The following WNT3 variants were observed in gnomAD, a reference collection of about 807,000 sequenced individuals.
WNT3 encodes proto-oncogene Wnt-3.
Under a neutral mutation model 34.2 loss-of-function variants are expected in WNT3, and 7 were observed. The ratio of observed to expected loss-of-function variants is 0.20; its 90% CI spans 0.12 to 0.38. WNT3 has a LOEUF of 0.38. Among genes scored for constraint, WNT3 ranks in the 10% least tolerant of loss-of-function variants. The pLI is 1.00. For synonymous variants in WNT3, 212 were observed against 211.5 expected, an observed-to-expected ratio of 1.00 and a Z score of -0.02; for missense variants, 267 against 499.8, an observed-to-expected ratio of 0.53 and a Z score of 4.44.
chr17:46,807,340 G>A (rs2084210927), intron 1 of WNT3, among the ~76,000 whole-genome samples: 1 of 152,318 alleles, frequency 6.6e-6, no homozygotes, highest in East Asian at 1.9e-4. Flanking sequence ...AAATTAGCTG[G>A]GTGTGGTGGC....
At chr17:46,815,773 C>T (rs2084333883) in intron 1 of WNT3, among the ~76,000 whole-genome samples, 1 of 152,200 alleles carries the variant, frequency 6.6e-6, no homozygotes, top group African/African-American at 2.4e-5. Flanking sequence ...CTTGCCATCC[C>T]TGGCCAGCTG....
chr17:46,804,826 TTGTAAAATGGACCAATCAGCACTC>T (rs1331998318), intron 1 of WNT3, among the ~76,000 whole-genome samples: 3 of 152,070 alleles, frequency 2.0e-5, no homozygotes, highest in Non-Finnish European at 2.9e-5. Context: ...AGCTAGAGGT[TTGTAAAATGGACCAATCAGCACTC>T]TGTAAAATGG....
intron 1 of WNT3, among the ~76,000 whole-genome samples, chr17:46,793,273 A>T (rs903647148): frequency 2.3e-3 from 13 of 5,734 alleles, no homozygotes; most frequent in African/African-American, 3.5e-3. Flanking sequence ...GACCCTGTCT[A>T]AAAAAAAAAA....
At chr17:46,790,488 T>A (rs1032719034) in intron 1 of WNT3, among the ~76,000 whole-genome samples, 2 of 151,930 alleles carry the variant, frequency 1.3e-5, no homozygotes, top group African/African-American at 4.8e-5. Context: ...CTGCCCTAGG[T>A]CACAGACAGG....
At chr17:46,816,141 GC>G (rs936932360) in intron 1 of WNT3, among the ~76,000 whole-genome samples, 5 of 26,240 alleles carry the variant, frequency 1.9e-4, no homozygotes, top group Non-Finnish European at 4.0e-4. Context: ...TCACACACAC[GC>G]ACGCACGCAC....
intron 3 of WNT3, 46 bp downstream of exon 3, chr17:46,769,737 C>CG (rs763547111): frequency 3.3e-5 from 53 of 1,600,622 alleles, no homozygotes; most frequent in African/African-American, 1.6e-4. Flanking sequence ...GGAGGGGAAG[C>CG]GGGGGGCTGC....
At chr17:46,769,199 C>G (rs2146372767) in intron 3 of WNT3, among the ~76,000 whole-genome samples, 1 of 151,954 alleles carries the variant, frequency 6.6e-6, no homozygotes, top group Non-Finnish European at 1.5e-5. Context: ...GCCTGTAATC[C>G]CAGCTACTTG....
intron 1 of WNT3, among the ~76,000 whole-genome samples, chr17:46,796,032 A>C (rs1294690248): frequency 6.6e-6 from 1 of 152,176 alleles, no homozygotes; most frequent in Non-Finnish European, 1.5e-5. Flanking sequence ...ATTATCAGTA[A>C]AAAGAAACAG....
At chr17:46,771,662 G>T (rs1303865050) in intron 2 of WNT3, among the ~76,000 whole-genome samples, 1 of 143,930 alleles carries the variant, frequency 6.9e-6, no homozygotes, top group African/African-American at 2.5e-5. Flanking sequence ...CGCCGGGCCG[G>T]CCGCCACCGC....
intron 1 of WNT3, among the ~76,000 whole-genome samples, chr17:46,787,790 A>G (rs1433326637): frequency 1.3e-5 from 2 of 152,182 alleles, no homozygotes; most frequent in African/African-American, 2.4e-5. Flanking sequence ...GCCTGTCTCT[A>G]CTAAAAACAG....
Position 46,768,178 on chromosome 17 carries a change from A to G in WNT3, c.*8+134T>C. ...GATGCTTGAAAAATCCTAGCTTCCT[A>G]TTTTGGCTGTGGGAACTTGTGTGTC... On this transcript the variant is annotated intron_variant, in intron 4 of 4. Transcript: ENST00000225512. The surrounding 1 kb of genome is among the most constrained non-coding windows in gnomAD (Gnocchi z 5.0). The G allele has an allele frequency of 1.5e-6, 2 of 1,310,218 alleles. No homozygotes were observed. The highest frequency in any genetic ancestry group is 2.1e-5 in the Admixed American group (1 of 47,972). 81.2% of individuals were successfully genotyped at this position (1,310,218 alleles called of 1,614,324 possible). A position where few individuals can be genotyped will look rare whatever the true frequency, so the allele number is the denominator to read the frequency against.
At chr17:46,815,257 G>C (rs903256965) in intron 1 of WNT3, among the ~76,000 whole-genome samples, 2 of 152,122 alleles carry the variant, frequency 1.3e-5, no homozygotes, top group African/African-American at 2.4e-5. Context: ...AGAAATCAGT[G>C]CTGTTGTTTC....
intron 1 of WNT3, among the ~76,000 whole-genome samples, chr17:46,775,011 C>T (rs964514916): frequency 1.3e-5 from 2 of 152,134 alleles, no homozygotes; most frequent in African/African-American, 2.4e-5. Context: ...GTCAAGTTTC[C>T]CACAAAAAGT....
At chr17:46,783,093 G>A (rs544353879) in intron 1 of WNT3, among the ~76,000 whole-genome samples, 15 of 152,204 alleles carry the variant, frequency 9.9e-5, no homozygotes, top group Non-Finnish European at 1.6e-4. Context: ...TTCTCTCAAC[G>A]GGGCCCTCTG....
chr17:46,776,483 C>T (rs897595354), intron 1 of WNT3, among the ~76,000 whole-genome samples: 1 of 152,214 alleles, frequency 6.6e-6, no homozygotes, highest in Admixed American at 6.5e-5. Context: ...TCATTATCAT[C>T]GCCATTGTCC....
At chr17:46,800,021 G>A (rs1016321654) in intron 1 of WNT3, among the ~76,000 whole-genome samples, 1 of 149,768 alleles carries the variant, frequency 6.7e-6, no homozygotes, top group African/African-American at 2.5e-5. Flanking sequence ...GGGGAGTGCT[G>A]TCCCAGAGAG....
At chr17:46,792,052 A>G (rs765767082) in intron 1 of WNT3, among the ~76,000 whole-genome samples, 2 of 152,252 alleles carry the variant, frequency 1.3e-5, no homozygotes, top group Non-Finnish European at 2.9e-5. Flanking sequence ...AACAAAACAA[A>G]AGAAAACAAC....
chr17:46,805,754 C>G (rs1312237352), intron 1 of WNT3, among the ~76,000 whole-genome samples: 1 of 152,048 alleles, frequency 6.6e-6, no homozygotes, highest in African/African-American at 2.4e-5. Context: ...CTGTCTCAAA[C>G]CAAACCAAAC....
At chr17:46,808,101 G>T (rs1249450308) in intron 1 of WNT3, among the ~76,000 whole-genome samples, 1 of 152,206 alleles carries the variant, frequency 6.6e-6, no homozygotes, top group Admixed American at 6.5e-5. Context: ...CTTAGTGCTG[G>T]AAGGAATCTG....
Sources: allele counts gnomAD v4.1 joint callset (sites outside exome capture counted in the v4.1 genomes callset), GRCh38; gene constraint gnomAD v4.1.1; non-coding constraint Gnocchi (gnomAD v3.1); transcripts MANE v1.5; gene names NCBI Gene and HGNC (gene_info 2026-07-23, HGNC 2026-07-21).